Variants in MCTP1 observed in about 807,000 individuals in gnomAD.
The protein encoded by MCTP1 is multiple C2 and transmembrane domain containing 1.
A neutral mutation model predicts 120.6 loss-of-function variants in MCTP1; 69 were observed. That is an observed-to-expected ratio of 0.57 (90% CI 0.47 to 0.70). MCTP1 has a LOEUF of 0.70. MCTP1 is among the 30% of genes least tolerant of loss of function. MCTP1 has a pLI of 0.00. For missense variants in MCTP1, 1,203 were observed against 1,248.8 expected (o/e 0.96, Z 0.55); for synonymous variants, 529 against 493.1 (o/e 1.07, Z -0.96).
chr5:95,098,549 G>A (rs1372175627), intron 1 of MCTP1, among the ~76,000 whole-genome samples: 1 of 151,824 alleles, frequency 6.6e-6, no homozygotes, highest in African/African-American at 2.4e-5. Context: ...AAATACCTAG[G>A]AATCCACCTT....
At chr5:95,269,504 C>G in intron 1 of MCTP1, among the ~76,000 whole-genome samples, 1 of 152,212 alleles carries the variant, frequency 6.6e-6, no homozygotes, top group Admixed American at 6.5e-5. Context: ...AACAAACTAA[C>G]CCACTCTCAT....
At chr5:95,021,825 A>G (rs11747168) in intron 1 of MCTP1, among the ~76,000 whole-genome samples, 27,875 of 152,006 alleles carry the variant, frequency 0.18, 3,072 homozygotes, top group East Asian at 0.49. Context: ...GAAAACAGTG[A>G]ACATTTCTGA....
At position 94,815,300 on chromosome 5, in the gene MCTP1, A is replaced by T. The variant is rs994245158; in HGVS notation, c.2437-16168T>A. Among the ~76,000 whole-genome samples, 11 of 152,164 alleles carry T rather than the reference A, an allele frequency of 7.2e-5. 1 individual carries two copies. Among genetic ancestry groups the T allele is most frequent in the African/African-American group, 2.4e-4 (10 of 41,444 alleles). On this transcript the variant is annotated intron_variant, in intron 17 of 22. Coordinates refer to ENST00000515393, the MANE Select transcript of MCTP1 (RefSeq NM_024717.7). ...CTTAATATTTTTCATGATAAAGCTTAATACATGTGTTTGTTAGCTAAGTTA... is the reference window on the plus strand; with the variant it reads ...CTTAATATTTTTCATGATAAAGCTTTATACATGTGTTTGTTAGCTAAGTTA...
chr5:94,922,369 T>C (rs1056755824), intron 7 of MCTP1, among the ~76,000 whole-genome samples: 2 of 152,128 alleles, frequency 1.3e-5, no homozygotes, highest in Non-Finnish European at 2.9e-5. Context: ...AATTATGAAG[T>C]TCGCCCTGGT....
At chr5:94,958,151 C>A (rs1036305325) in intron 2 of MCTP1, among the ~76,000 whole-genome samples, 2 of 152,160 alleles carry the variant, frequency 1.3e-5, no homozygotes, top group Admixed American at 1.3e-4. Flanking sequence ...AACTGAACAA[C>A]CTGCTCCTGA....
chr5:94,863,127 C>A (rs771234610), intron 17 of MCTP1, among the ~76,000 whole-genome samples: 7 of 151,722 alleles, frequency 4.6e-5, no homozygotes, highest in Non-Finnish European at 8.8e-5. Context: ...AGGAAACATA[C>A]ATGAAGAAAG....
intron 12 of MCTP1, among the ~76,000 whole-genome samples, chr5:94,874,015 G>T (rs1281346392): frequency 1.3e-5 from 2 of 151,684 alleles, no homozygotes; most frequent in Non-Finnish European, 2.9e-5. Flanking sequence ...GTAATGTTAT[G>T]CCCTGTATTA....
chr5:94,964,120 T>C (rs1435871848), intron 2 of MCTP1, among the ~76,000 whole-genome samples: 1 of 152,230 alleles, frequency 6.6e-6, no homozygotes, highest in African/African-American at 2.4e-5. Flanking sequence ...TTCTGGGCTC[T>C]GTATTCTGCT....
intron 2 of MCTP1, among the ~76,000 whole-genome samples, chr5:94,997,384 G>T (rs527626495): frequency 8.5e-5 from 13 of 152,184 alleles, no homozygotes; most frequent in African/African-American, 3.1e-4. Flanking sequence ...CTTAACCATG[G>T]AAAAAGAGAA....
chr5:94,973,527 G>A (rs1827375966), intron 2 of MCTP1, among the ~76,000 whole-genome samples: 1 of 152,180 alleles, frequency 6.6e-6, no homozygotes, highest in Admixed American at 6.5e-5. Context: ...ACCAAAAATA[G>A]TATGAAGACA....
At chr5:94,821,892 T>C (rs886630554) in intron 17 of MCTP1, among the ~76,000 whole-genome samples, 2 of 152,196 alleles carry the variant, frequency 1.3e-5, no homozygotes, top group Non-Finnish European at 2.9e-5. Flanking sequence ...ACTTATGTTG[T>C]TTGAGGGTGA....
chr5:94,820,694 C>A (rs1389747188), intron 17 of MCTP1, among the ~76,000 whole-genome samples: 1 of 152,216 alleles, frequency 6.6e-6, no homozygotes, highest in African/African-American at 2.4e-5. Flanking sequence ...ACTCCAAGTA[C>A]TTGTCAAAAG....
intron 1 of MCTP1, among the ~76,000 whole-genome samples, chr5:95,261,133 G>C (rs1033087174): frequency 3.3e-5 from 5 of 152,146 alleles, no homozygotes; most frequent in Admixed American, 6.6e-5. Flanking sequence ...CCTATTCATT[G>C]ATTTCTGCAT....
chr5:94,773,145 T>C (rs1774468670), intron 19 of MCTP1, among the ~76,000 whole-genome samples: 1 of 152,182 alleles, frequency 6.6e-6, no homozygotes, highest in African/African-American at 2.4e-5. Context: ...TATTATTTGC[T>C]CTTCTCCCAA....
At chr5:94,848,735 T>C (rs73776909) in intron 17 of MCTP1, among the ~76,000 whole-genome samples, 15,504 of 151,950 alleles carry the variant, frequency 0.1, 1,124 homozygotes, top group East Asian at 0.26. Context: ...CAAAATAAGA[T>C]GCACTGTATT....
At chr5:95,140,247 G>A (rs1759794915) in intron 1 of MCTP1, among the ~76,000 whole-genome samples, 6 of 152,142 alleles carry the variant, frequency 3.9e-5, no homozygotes, top group Admixed American at 3.9e-4. Context: ...TTCTGGTCCT[G>A]TTTTCCACAG....
intron 2 of MCTP1, among the ~76,000 whole-genome samples, chr5:94,982,884 CAAAAAAAAAAAAAA>C (rs34561115): frequency 2.8e-4 from 8 of 28,618 alleles, no homozygotes; most frequent in Middle Eastern, 0.028. Context: ...CACACTTCAT[CAAAAAAAAAAAAAA>C]AAAAAAAAAA....
At chr5:95,004,743 T>G (rs947169177) in intron 2 of MCTP1, among the ~76,000 whole-genome samples, 8 of 152,126 alleles carry the variant, frequency 5.3e-5, no homozygotes, top group African/African-American at 1.9e-4. Context: ...TCTGCCTAGA[T>G]TTCAGAGAAT....
intron 7 of MCTP1, among the ~76,000 whole-genome samples, chr5:94,920,720 C>A (rs1450190812): frequency 1.3e-5 from 2 of 149,218 alleles, no homozygotes; most frequent in Non-Finnish European, 3.0e-5. Context: ...CCAGCCCGGG[C>A]GACAGAGGGA....
Sources: gnomAD v4.1 joint callset for allele counts (sites outside exome capture counted in the v4.1 genomes callset) on GRCh38, gnomAD v4.1.1 for gene constraint, MANE v1.5 for transcripts, NCBI Gene and HGNC (gene_info 2026-07-23, HGNC 2026-07-21) for gene names.